CFAP418: variants seen among roughly 807,000 people sequenced by gnomAD.
CFAP418 encodes the protein cilia- and flagella-associated protein 418.
In CFAP418, 27 loss-of-function variants were observed where a neutral mutation model predicts 24.7. That is an observed-to-expected ratio of 1.09 (90% confidence interval 0.81 to 1.51). The LOEUF (loss-of-function observed/expected upper bound fraction) is 1.51, where lower values mean the gene tolerates loss of function less well. CFAP418 is among the 40% of genes most tolerant of loss of function. The probability of loss-of-function intolerance (pLI) is 0.00; values close to 1 mark genes in which losing one functional copy is unlikely to be tolerated. For synonymous variants in CFAP418, 74 were observed against 87.3 expected, an observed-to-expected ratio of 0.85 and a Z score of 0.85; for missense variants, 257 against 255.2, an observed-to-expected ratio of 1.01 and a Z score of -0.05.
In CFAP418 at chr8:95,246,493, T is replaced by C. The variant is rs1811622981; in HGVS notation, c.*1124A>G. 1 of 152,228 alleles carries C rather than the reference T, an allele frequency of 6.6e-6. No individual in the cohort carries two copies. Among genetic ancestry groups the C allele is most frequent in the South Asian group, 2.1e-4 (1 of 4,832 alleles). The allele number at this position is 152,228 out of a possible 1,614,324, so 9.4% of individuals were successfully genotyped here. ...AGACTAAGAAGATTATAACTTTGTTTCAATTATTCCCTTTCAGGGTGCTCT... is the reference window on the plus strand; with the variant it reads ...AGACTAAGAAGATTATAACTTTGTTCCAATTATTCCCTTTCAGGGTGCTCT... On this transcript the variant is annotated 3_prime_UTR_variant, in exon 6 of 6. Transcript: ENST00000286688.
chr8:95,254,781 C>T (rs1409707620), intron 4 of CFAP418, among the ~76,000 whole-genome samples: 3 of 152,130 alleles, frequency 2.0e-5, no homozygotes, highest in Non-Finnish European at 4.4e-5. Context: ...TAAGATTCTT[C>T]CCATATTACA....
Position 95,260,469 on chromosome 8 carries a change from T to G in CFAP418, c.307A>C (p.Ser103Arg). The G allele has an allele frequency of 6.3e-7, 1 of 1,586,114 alleles. No individual in the cohort carries two copies. The highest frequency in any genetic ancestry group is 8.5e-7 in the Non-Finnish European group (1 of 1,169,702). Residue 103 changes from serine to arginine, a missense_variant and splice_region_variant, in exon 3 of 6, where the codon AGT becomes CGT. Physicochemically the swap from Ser to Arg is moderately radical, Grantham distance 110 (BLOSUM62 -1). Coordinates refer to ENST00000286688, the MANE Select transcript of CFAP418 (RefSeq NM_177965.4). ...TTCACCAAAGCAATCTCAACTTACC[T>G]TTTACCAAGGCCTTCAATGGAAGCT... ...VRASIEGLGK[S>R]CSPVYLGGSS...
chr8:95,254,795 C>T (rs1201251808), intron 4 of CFAP418, among the ~76,000 whole-genome samples: 4 of 152,168 alleles, frequency 2.6e-5, no homozygotes, highest in Non-Finnish European at 5.9e-5. Flanking sequence ...TATTACATGG[C>T]TTTCTGCTAA....
In CFAP418 at chr8:95,251,607, G is replaced by A. The variant is rs868015659; in HGVS notation, c.470+581C>T. 6.6e-5 allele frequency among the ~76,000 whole-genome samples: 10 copies of A among 152,282 alleles called. No individual in the cohort carries two copies. In the South Asian group the frequency reaches 8.3e-4, roughly 13 times the overall value. On this transcript the variant is annotated intron_variant, in intron 5 of 5. Transcript: ENST00000286688. ...CTTTAATTCTGAACAAGGGAAGGAT[G>A]GTCTGAGAGAAGAGATTGTAGCCAG...
intron 1 of CFAP418, chr8:95,268,785 CGGGGCGG>C (rs1812069428): frequency 2.4e-5 from 3 of 124,460 alleles, no homozygotes. Flanking sequence ...CGGGGCGGGG[CGGGGCGG>C]GGGCCAGCCC....
chr8:95,252,141 T>C, intron 5 of CFAP418, 47 bp downstream of exon 5: 1 of 1,410,866 alleles, frequency 7.1e-7, no homozygotes, highest in East Asian at 2.3e-5. Context: ...ATAGGAAATA[T>C]AAACTACTTG....
chr8:95,260,448 C>G lies in CFAP418; in HGVS notation c.308+20G>C. On this transcript the variant is annotated intron_variant, in intron 3 of 5. Coordinates refer to ENST00000286688, the MANE Select transcript of CFAP418 (RefSeq NM_177965.4). Reference sequence around the variant, plus strand: ...TTTGCTCAATAGTGTGTATAATTCACCAAAGCAATCTCAACTTACCTTTTA... The same window carrying G: ...TTTGCTCAATAGTGTGTATAATTCAGCAAAGCAATCTCAACTTACCTTTTA... 1 of 1,554,710 alleles carries G rather than the reference C, an allele frequency of 6.4e-7. No homozygotes were observed. The highest frequency in any genetic ancestry group is 8.7e-7 in the Non-Finnish European group (1 of 1,144,792).
intron 4 of CFAP418, among the ~76,000 whole-genome samples, chr8:95,254,893 G>A (rs770569936): frequency 6.6e-6 from 1 of 152,192 alleles, no homozygotes; most frequent in African/African-American, 2.4e-5. Context: ...CTTGAGCAAG[G>A]CACCTTATTT....
At chr8:95,267,087 G>A (rs1344955640) in intron 1 of CFAP418, among the ~76,000 whole-genome samples, 1 of 152,202 alleles carries the variant, frequency 6.6e-6, no homozygotes. Flanking sequence ...TGCGCTAATA[G>A]ATACATAAGG....
In CFAP418 at chr8:95,252,291, G is replaced by C; in HGVS notation, c.375-8C>G. The C allele has an allele frequency of 6.3e-7, 1 of 1,592,526 alleles. No homozygotes were observed. Among genetic ancestry groups the C allele is most frequent in the African/African-American group, 1.4e-5 (1 of 73,866 alleles). On this transcript the variant is annotated splice_region_variant and splice_polypyrimidine_tract_variant and intron_variant, in intron 4 of 5. Transcript: ENST00000286688. Reference sequence around the variant, plus strand: ...CGCAGATGGTCACATGCTCTGTTCAGAGAAAAAAAATTGTATATTAAAGAT... The same window carrying C: ...CGCAGATGGTCACATGCTCTGTTCACAGAAAAAAAATTGTATATTAAAGAT...
At position 95,245,200 on chromosome 8, in the gene CFAP418, T is replaced by G. The variant is rs992564141; in HGVS notation, c.*2417A>C. On this transcript the variant is annotated 3_prime_UTR_variant, in exon 6 of 6. Coordinates refer to ENST00000286688, the MANE Select transcript of CFAP418 (RefSeq NM_177965.4). ...TTCTTCTATACTGATACTAAAATAGTTTCATTTTCAGCTTAAATTACAACA... is the reference window on the plus strand; with the variant it reads ...TTCTTCTATACTGATACTAAAATAGGTTCATTTTCAGCTTAAATTACAACA... 3 of 152,156 alleles carry G rather than the reference T, an allele frequency of 2.0e-5. No homozygotes were observed. Among genetic ancestry groups the G allele is most frequent in the African/African-American group, 7.2e-5 (3 of 41,450 alleles). 9.4% of individuals were successfully genotyped at this position (152,156 alleles called of 1,614,324 possible).
chr8:95,263,596 AT>A (rs1811926888), intron 2 of CFAP418, 90 bp downstream of exon 2: 5 of 715,280 alleles, frequency 7.0e-6, no homozygotes, highest in Non-Finnish European at 7.2e-6. Context: ...TCAAAAGATA[AT>A]GGGTAGCTAC....
At position 95,247,770 on chromosome 8, in the gene CFAP418, C is replaced by T. The variant is rs2132151688; in HGVS notation, c.471G>A (p.Arg157=). ...ATTTGTGAAATTCTGGCATGTTGTT[C>T]CTATTAGTAAAACAGGAAAGTTTTA... ...WDKSCDYLFF[R]NNMPEFHKLK... Residue 157 remains arginine (R), a splice_region_variant and synonymous_variant, in exon 6 of 6, where the codon AGG becomes AGA. Coordinates refer to ENST00000286688, the MANE Select transcript of CFAP418 (RefSeq NM_177965.4). 1.2e-6 allele frequency: 2 copies of T among 1,601,210 alleles called. No homozygotes were observed. Among genetic ancestry groups the T allele is most frequent in the Non-Finnish European group, 1.7e-6 (2 of 1,173,184 alleles).
At chr8:95,253,213 G>A (rs1811735526) in intron 4 of CFAP418, among the ~76,000 whole-genome samples, 1 of 152,148 alleles carries the variant, frequency 6.6e-6, no homozygotes, top group Non-Finnish European at 1.5e-5. Flanking sequence ...AGGAGGCTGA[G>A]GCAGGAGAAT....
chr8:95,253,301 C>G (rs958863586), intron 4 of CFAP418, among the ~76,000 whole-genome samples: 7 of 149,414 alleles, frequency 4.7e-5, no homozygotes, highest in African/African-American at 1.7e-4. Context: ...CAAAGCGAGA[C>G]TCTGTCTCAA....
At chr8:95,253,313 A>C (rs1811737835) in intron 4 of CFAP418, among the ~76,000 whole-genome samples, 1 of 152,006 alleles carries the variant, frequency 6.6e-6, no homozygotes, top group Non-Finnish European at 1.5e-5. Context: ...CTGTCTCAAA[A>C]AAAAAAGAAC....
In CFAP418 at chr8:95,246,113, C is replaced by T. The variant is rs1042601009; in HGVS notation, c.*1504G>A. On this transcript the variant is annotated 3_prime_UTR_variant, in exon 6 of 6. Transcript: ENST00000286688. Reference sequence around the variant, plus strand: ...AATAAATTTTCCTGCCTCGGCCTCCCGAGTAGTTGGGATTACAGGCATGCA... The same window carrying T: ...AATAAATTTTCCTGCCTCGGCCTCCTGAGTAGTTGGGATTACAGGCATGCA... The T allele has an allele frequency of 7.9e-5, 12 of 152,210 alleles. No individual in the cohort carries two copies. Among genetic ancestry groups the T allele is most frequent in the East Asian group, 3.9e-4 (2 of 5,168 alleles). 9.4% of individuals were successfully genotyped at this position (152,210 alleles called of 1,614,324 possible).
At chr8:95,268,032 T>C (rs1812029702) in intron 1 of CFAP418, among the ~76,000 whole-genome samples, 1 of 152,120 alleles carries the variant, frequency 6.6e-6, no homozygotes, top group South Asian at 2.1e-4. Flanking sequence ...TTTCCATATG[T>C]ATGTCTGGCA....
chr8:95,265,622 G>C (rs1177990080), intron 1 of CFAP418, among the ~76,000 whole-genome samples: 1 of 151,994 alleles, frequency 6.6e-6, no homozygotes, highest in South Asian at 2.1e-4. Context: ...CATACTTTCC[G>C]GGTTCTCCTC....
Sources: gnomAD v4.1 joint callset for allele counts (sites outside exome capture counted in the v4.1 genomes callset) on GRCh38, gnomAD v4.1.1 for gene constraint, MANE v1.5 for transcripts, NCBI Gene and HGNC (gene_info 2026-07-23, HGNC 2026-07-21) for gene names.